The following LRRC4C variants were observed in gnomAD, a reference collection of about 807,000 sequenced individuals.
LRRC4C encodes leucine-rich repeat-containing protein 4C.
A neutral mutation model predicts 33.6 loss-of-function variants in LRRC4C; 5 were observed. The ratio of observed to expected loss-of-function variants is 0.15; its 90% CI spans 0.08 to 0.31. LRRC4C has a LOEUF of 0.31. Ranked by LOEUF, LRRC4C falls within the 10% of genes least tolerant of loss-of-function variation. The pLI is 1.00. For missense variants in LRRC4C, 560 were observed against 796.7 expected (o/e 0.70, Z 3.58); for synonymous variants, 329 against 302.0 (o/e 1.09, Z -0.93).
At chr11:40,276,323 A>C (rs1250122427) in intron 4 of LRRC4C, among the ~76,000 whole-genome samples, 1 of 152,136 alleles carries the variant, frequency 6.6e-6, no homozygotes, top group Non-Finnish European at 1.5e-5. Flanking sequence ...TGCCAGCCCT[A>C]AGGGACAGAA....
intron 3 of LRRC4C, among the ~76,000 whole-genome samples, chr11:40,400,341 C>T (rs973387298): frequency 3.3e-5 from 5 of 152,070 alleles, no homozygotes; most frequent in Non-Finnish European, 7.4e-5. Context: ...TATTTCATGA[C>T]GATCTCCAAA....
chr11:40,368,459 C>G (rs544537459), intron 3 of LRRC4C, among the ~76,000 whole-genome samples: 1 of 152,170 alleles, frequency 6.6e-6, no homozygotes, highest in African/African-American at 2.4e-5. Flanking sequence ...AAACTTAGTA[C>G]GGGAACATTT....
intron 5 of LRRC4C, among the ~76,000 whole-genome samples, chr11:40,158,430 C>T (rs981111044): frequency 1.3e-5 from 2 of 152,108 alleles, no homozygotes; most frequent in South Asian, 2.1e-4. Flanking sequence ...TTAAAAATTA[C>T]ATTTATCTGT....
chr11:41,093,009 T>C (rs1940539406), intron 1 of LRRC4C, among the ~76,000 whole-genome samples: 1 of 152,230 alleles, frequency 6.6e-6, no homozygotes, highest in Admixed American at 6.5e-5. Context: ...TTCTAGAACA[T>C]AGTGTATATC....
chr11:40,398,973 C>A (rs7950780), intron 3 of LRRC4C, among the ~76,000 whole-genome samples: 4,767 of 152,158 alleles, frequency 0.031, 82 homozygotes, highest in Non-Finnish European at 0.047. Flanking sequence ...TTTTAGATAA[C>A]CCTCTAATTA....
At chr11:40,341,547 G>A (rs1360774112) in intron 3 of LRRC4C, among the ~76,000 whole-genome samples, 1 of 151,672 alleles carries the variant, frequency 6.6e-6, no homozygotes, top group Non-Finnish European at 1.5e-5. Flanking sequence ...TGGGGTGGGA[G>A]GGAGGGGGAG....
chr11:40,898,562 A>C (rs569288861), intron 2 of LRRC4C, among the ~76,000 whole-genome samples: 1 of 151,948 alleles, frequency 6.6e-6, no homozygotes, highest in East Asian at 1.9e-4. Context: ...CACTCACAAA[A>C]AGAAAAGAAG....
chr11:41,327,699 G>A lies in LRRC4C; in HGVS notation c.-496+131732C>T, dbSNP rs138063203. ...CCCCACGTGTCATGGGAGGGACCCC[G>A]TGGGAGGTAATTGAATCATGGGGGC... On this transcript the variant is annotated intron_variant, in intron 1 of 6. Coordinates refer to ENST00000528697, the MANE Select transcript of LRRC4C (RefSeq NM_001258419.2). Among the ~76,000 whole-genome samples, 615 of 152,222 alleles carry A rather than the reference G, an allele frequency of 4.0e-3. 5 individuals carry two copies. The highest frequency in any genetic ancestry group is 0.024 in the East Asian group (126 of 5,166).
At chr11:40,382,968 C>T (rs1391650706) in intron 3 of LRRC4C, among the ~76,000 whole-genome samples, 7 of 152,234 alleles carry the variant, frequency 4.6e-5, no homozygotes, top group African/African-American at 1.7e-4. Context: ...ACTGGGATTA[C>T]AGGCGTGAGC....
At chr11:41,138,681 T>C (rs1306304790) in intron 1 of LRRC4C, among the ~76,000 whole-genome samples, 1 of 152,172 alleles carries the variant, frequency 6.6e-6, no homozygotes, top group Non-Finnish European at 1.5e-5. Flanking sequence ...GTACCAGATG[T>C]CAGCTTTTAT....
chr11:40,749,375 G>A (rs528579488), intron 2 of LRRC4C, among the ~76,000 whole-genome samples: 3 of 150,616 alleles, frequency 2.0e-5, no homozygotes, highest in African/African-American at 7.3e-5. Flanking sequence ...CAACCACTGG[G>A]TCAACAAAGA....
At chr11:40,970,901 G>T (rs1851682870) in intron 1 of LRRC4C, among the ~76,000 whole-genome samples, 1 of 152,204 alleles carries the variant, frequency 6.6e-6, no homozygotes, top group Non-Finnish European at 1.5e-5. Context: ...ACTTGAAAGT[G>T]ATGATTCAGG....
intron 4 of LRRC4C, among the ~76,000 whole-genome samples, chr11:40,263,247 T>C (rs1268518590): frequency 1.3e-5 from 2 of 152,112 alleles, no homozygotes; most frequent in African/African-American, 4.8e-5. Context: ...AATTTCACAC[T>C]GCTATGGGAC....
At chr11:40,620,912 T>G (rs917630201) in intron 3 of LRRC4C, among the ~76,000 whole-genome samples, 2 of 151,726 alleles carry the variant, frequency 1.3e-5, no homozygotes, top group African/African-American at 4.8e-5. Flanking sequence ...CACAGCTGTC[T>G]TTCAGAGAAT....
chr11:40,605,925 C>T (rs1428001525), intron 3 of LRRC4C, among the ~76,000 whole-genome samples: 1 of 152,148 alleles, frequency 6.6e-6, no homozygotes, highest in Non-Finnish European at 1.5e-5. Context: ...AAACTGGATT[C>T]TTCTTCTCTT....
chr11:41,173,492 C>G (rs549732352), intron 1 of LRRC4C, among the ~76,000 whole-genome samples: 1 of 152,234 alleles, frequency 6.6e-6, no homozygotes, highest in African/African-American at 2.4e-5. Flanking sequence ...CAAAATGGGC[C>G]TAGCCATATT....
chr11:40,951,032 C>G (rs1958669557), intron 1 of LRRC4C, among the ~76,000 whole-genome samples: 1 of 151,808 alleles, frequency 6.6e-6, no homozygotes, highest in Non-Finnish European at 1.5e-5. Context: ...TCCTACTATC[C>G]AATATCCTTC....
intron 1 of LRRC4C, among the ~76,000 whole-genome samples, chr11:40,969,024 G>T (rs1347747003): frequency 6.6e-6 from 1 of 152,154 alleles, no homozygotes; most frequent in East Asian, 1.9e-4. Flanking sequence ...CTTCGGGAAA[G>T]TACTCAGCAT....
chr11:40,567,858 T>C (rs1957827919), intron 3 of LRRC4C, among the ~76,000 whole-genome samples: 2 of 152,218 alleles, frequency 1.3e-5, no homozygotes, highest in Admixed American at 1.3e-4. Context: ...GTGCCTTTAT[T>C]CATGTATGTA....
Sources: gnomAD v4.1 joint callset for allele counts (sites outside exome capture counted in the v4.1 genomes callset) on GRCh38, gnomAD v4.1.1 for gene constraint, MANE v1.5 for transcripts, NCBI Gene and HGNC (gene_info 2026-07-23, HGNC 2026-07-21) for gene names.